Variants in TCF3 observed in about 807,000 individuals in gnomAD.
TCF3 encodes transcription factor 3.
In TCF3, 54 loss-of-function variants were observed where a neutral mutation model predicts 72.3. The ratio of observed to expected loss-of-function variants is 0.75; its 90% CI spans 0.60 to 0.94. TCF3 has a LOEUF of 0.94. Ranked by LOEUF, TCF3 falls within the 40% of genes least tolerant of loss-of-function variation. The probability of loss-of-function intolerance (pLI) is 0.00; values close to 1 mark genes in which losing one functional copy is unlikely to be tolerated. For missense variants in TCF3, 1,078 were observed against 934.4 expected (o/e 1.15, Z -2.00); for synonymous variants, 525 against 412.6 (o/e 1.27, Z -3.30).
Position 1,615,518 on chromosome 19 carries a change from G to A in TCF3, c.1589C>T (p.Pro530Leu), listed in dbSNP as rs745797783. The change falls in exon 18 of 19, where the codon CCA (proline) becomes CTA (leucine). Residue 530 changes from proline to leucine, a missense_variant and splice_region_variant. Physicochemically the swap from Pro to Leu is moderately conservative, Grantham distance 98 (BLOSUM62 -3). Coordinates refer to ENST00000262965, the MANE Select transcript of TCF3 (RefSeq NM_003200.5). This position sits in a 1 kb window ranked among gnomAD's most constrained non-coding sequence, Gnocchi z 7.3. ...ELKAPRARTS[P>L]DEDEDDLLPP... The stretch of plus-strand genomic sequence containing the variant: ...GAGAAGGTCGTCCTCGTCCTCGTCT[G>A]GGCTATGGGGAGGGCGCCGGGAGGG... The A allele has an allele frequency of 1.9e-6, 3 of 1,607,778 alleles. No homozygotes were observed. The highest frequency in any genetic ancestry group is 2.5e-6 in the Non-Finnish European group (3 of 1,179,822).
chr19:1,621,218 C>A, intron 11 of TCF3, 27 bp from the exon 12 acceptor site: 1 of 1,530,802 alleles, frequency 6.5e-7, no homozygotes, highest in South Asian at 1.2e-5. Context: ...GTGAGGCCCA[C>A]GCAGCCCGGC....
intron 2 of TCF3, 77 bp downstream of exon 2, chr19:1,650,096 GCAAA>G: frequency 1.5e-6 from 2 of 1,358,924 alleles, no homozygotes; most frequent in Admixed American, 2.0e-5. Context: ...GAAGTATTCA[GCAAA>G]CACTCTCCCC....
intron 5 of TCF3, among the ~76,000 whole-genome samples, chr19:1,631,429 C>T (rs879430985): frequency 1.4e-4 from 21 of 152,162 alleles, no homozygotes; most frequent in African/African-American, 4.6e-4. Flanking sequence ...ACACCATGAC[C>T]GGCTAATTTT....
In TCF3 at chr19:1,610,008, G is replaced by T; in HGVS notation, c.*1699C>A. On this transcript the variant is annotated 3_prime_UTR_variant, in exon 19 of 19. Transcript: ENST00000262965. ...GCCAGGCCCACACCTGGGTGCCACA[G>T]TGACCACTGCCCTAGTTCGTGTGGA... 4.3e-6 allele frequency: 1 copy of T among 233,048 alleles called. No homozygotes were observed. The highest frequency in any genetic ancestry group is 8.5e-6 in the Non-Finnish European group (1 of 117,924). 14.4% of individuals were successfully genotyped at this position (233,048 alleles called of 1,614,324 possible).
intron 5 of TCF3, among the ~76,000 whole-genome samples, chr19:1,630,221 C>A (rs1376391271): frequency 1.3e-5 from 2 of 152,142 alleles, no homozygotes; most frequent in Non-Finnish European, 2.9e-5. Flanking sequence ...CAGTGAGGAA[C>A]CAGGCTCCCA....
chr19:1,622,737 A>G, intron 8 of TCF3, among the ~76,000 whole-genome samples: 1 of 152,006 alleles, frequency 6.6e-6, no homozygotes. Context: ...CTATCGACCC[A>G]TCAAAACCCC....
rs1290015911 is a variant in TCF3, at chr19:1,642,335, C to T, written c.145+4020G>A. ...ACGCACACACAGACACACACACGTG[C>T]GTGTAAAGCCGGTGGAATCTGATCA... On this transcript the variant is annotated intron_variant, in intron 3 of 18. Transcript: ENST00000262965. Among the ~76,000 whole-genome samples the T allele has an allele frequency of 5.9e-5, 9 of 152,150 alleles. 1 individual carries two copies. The South Asian group carries it at 8.3e-4, about 14-fold the overall frequency.
Position 1,610,519 on chromosome 19 carries a change from G to GGACA in TCF3, c.*1184_*1187dup, listed in dbSNP as rs2060907251. ...TGGGTCCCTGGGGCAAAGGAGTGAA[G>GGACA]GACAGGGTGTCCAGGAGGTCCCCAG... On this transcript the variant is annotated 3_prime_UTR_variant, in exon 19 of 19. Transcript: ENST00000262965. 2.2e-5 allele frequency: 5 copies of GGACA among 231,676 alleles called. No homozygotes were observed. The South Asian group carries it at 9.1e-4, about 42-fold the overall frequency. 14.4% of individuals were successfully genotyped at this position (231,676 alleles called of 1,614,324 possible). A position where few individuals can be genotyped will look rare whatever the true frequency, so the allele number is the denominator to read the frequency against.
chr19:1,621,129 T>C lies in TCF3; in HGVS notation c.1014+4A>G. On this transcript the variant is annotated splice_donor_region_variant and intron_variant, in intron 12 of 18. Transcript: ENST00000262965. ...CTGGCCACCCCCCATGCCCCACGCC[T>C]CACCGAGGCCAGTGCTTTGCCGAGG... The C allele has an allele frequency of 6.5e-7, 1 of 1,539,384 alleles. No homozygotes were observed. Among genetic ancestry groups the C allele is most frequent in the Non-Finnish European group, 8.8e-7 (1 of 1,142,022 alleles).
Position 1,622,355 on chromosome 19 carries a change from TGGC to T in TCF3, c.607_609del (p.Ala203del). On this transcript the variant is annotated inframe_deletion, in exon 9 of 19. Transcript: ENST00000262965. ...GCGGGATAGGTGCTGCTGGGGGTCTTGGCGGACGGGTAGGCGGTGGCATCCCTG... is the reference window on the plus strand; with the variant it reads ...GCGGGATAGGTGCTGCTGGGGGTCTTGGACGGGTAGGCGGTGGCATCCCTG... 1 of 1,325,006 alleles carries T rather than the reference TGGC, an allele frequency of 7.5e-7. No individual in the cohort carries two copies. The highest frequency in any genetic ancestry group is 4.2e-5 in the East Asian group (1 of 23,996). The allele number at this position is 1,325,006 out of a possible 1,614,324, so 82.1% of individuals were successfully genotyped here.
chr19:1,651,507 G>A (rs1172322025), intron 1 of TCF3, among the ~76,000 whole-genome samples: 1 of 152,222 alleles, frequency 6.6e-6, no homozygotes, highest in African/African-American at 2.4e-5. Flanking sequence ...CCGATTTTAA[G>A]ACAGACTTAG....
At chr19:1,623,265 C>T (rs1444870268) in intron 8 of TCF3, among the ~76,000 whole-genome samples, 2 of 152,024 alleles carry the variant, frequency 1.3e-5, no homozygotes, top group Non-Finnish European at 2.9e-5. Context: ...GAGATGAGAC[C>T]GCAGGAGTGT....
chr19:1,622,419 CGGGCGGGT>C lies in TCF3; in HGVS notation c.550-12_550-5del. 4 of 459,684 alleles carry C rather than the reference CGGGCGGGT, an allele frequency of 8.7e-6. No homozygotes were observed. The highest frequency in any genetic ancestry group is 1.5e-5 in the Non-Finnish European group (4 of 267,628). The allele number at this position is 459,684 out of a possible 1,614,324, so 28.5% of individuals were successfully genotyped here. A position where few individuals can be genotyped will look rare whatever the true frequency, so the allele number is the denominator to read the frequency against. On this transcript the variant is annotated splice_region_variant and splice_polypyrimidine_tract_variant and intron_variant, in intron 8 of 18. Transcript: ENST00000262965. ...CACCTGAGCTGGGTGGGTACACCTGCGGGCGGGTGGGCGGTGGGGGGTGCAGTCAGGAC... is the reference window on the plus strand; with the variant it reads ...CACCTGAGCTGGGTGGGTACACCTGCGGGCGGTGGGGGGTGCAGTCAGGAC...
chr19:1,621,906 G>T lies in TCF3; in HGVS notation c.887C>A (p.Ala296Asp), dbSNP rs368778918. Reference sequence around the variant, plus strand: ...GACGCCGCCGTACGTGGCTCCGGGGGCTGAGGAGAAGGAGGATGCAGATGG... The same window carrying T: ...GACGCCGCCGTACGTGGCTCCGGGGTCTGAGGAGAAGGAGGATGCAGATGG... ...GLPSASSFSS[A>D]PGATYGGVSS... Residue 296 changes from alanine (A) to aspartate (D), a missense_variant, in exon 11 of 19, where the codon GCC (alanine) becomes GAC (aspartate). By Grantham distance (126) the Ala-to-Asp change is moderately radical. Transcript: ENST00000262965. The T allele has an allele frequency of 6.4e-5, 103 of 1,601,046 alleles. No homozygotes were observed. The highest frequency in any genetic ancestry group is 8.5e-5 in the Non-Finnish European group (100 of 1,175,354).
chr19:1,618,631 T>C (rs2061809478), intron 16 of TCF3, among the ~76,000 whole-genome samples: 1 of 151,184 alleles, frequency 6.6e-6, no homozygotes, highest in South Asian at 2.1e-4. Context: ...CCTGAAACCC[T>C]CCTCCTCCAG....
At chr19:1,639,058 T>G (rs898498214) in intron 3 of TCF3, among the ~76,000 whole-genome samples, 4 of 152,136 alleles carry the variant, frequency 2.6e-5, no homozygotes, top group African/African-American at 9.7e-5. Context: ...AGGTTTCTTT[T>G]TCTGAGACAG....
chr19:1,646,919 C>T (rs564782972), intron 2 of TCF3, among the ~76,000 whole-genome samples: 3 of 152,362 alleles, frequency 2.0e-5, no homozygotes, highest in Admixed American at 6.5e-5. Flanking sequence ...GCACTGGCCC[C>T]GCATGGCAGG....
At chr19:1,618,255 C>T (rs958908185) in intron 16 of TCF3, among the ~76,000 whole-genome samples, 9 of 152,074 alleles carry the variant, frequency 5.9e-5, no homozygotes, top group Non-Finnish European at 1.3e-4. Flanking sequence ...TCCTGTGGGC[C>T]CCGCCTTCAG....
intron 18 of TCF3, among the ~76,000 whole-genome samples, chr19:1,612,618 G>A (rs1328492226): frequency 6.7e-6 from 1 of 150,328 alleles, no homozygotes; most frequent in Non-Finnish European, 1.5e-5. Context: ...GCTTACATTG[G>A]TGGGCACAGC....
Sources: allele counts gnomAD v4.1 joint callset (sites outside exome capture counted in the v4.1 genomes callset), GRCh38; gene constraint gnomAD v4.1.1; non-coding constraint Gnocchi (gnomAD v3.1); transcripts MANE v1.5; gene names NCBI Gene and HGNC (gene_info 2026-07-23, HGNC 2026-07-21).